The following CHODL variants were observed in gnomAD, a reference collection of about 807,000 sequenced individuals.
CHODL encodes the protein chondrolectin, also known as transmembrane protein MT75.
Under a neutral mutation model 34.5 loss-of-function variants are expected in CHODL, and 29 were observed. The observed-to-expected ratio is 0.84, with a 90% CI of 0.63 to 1.15. CHODL has a LOEUF of 1.15. Ranked by LOEUF, CHODL falls within the 50% of genes most tolerant of loss-of-function variation. The pLI, the probability that CHODL is intolerant of heterozygous loss-of-function variation, is 0.00. For synonymous variants in CHODL, 125 were observed against 116.1 expected (o/e 1.08, Z -0.49); for missense variants, 332 against 332.5 (o/e 1.00, Z 0.01).
At chr21:18,252,585 T>C (rs2146804022) in intron 1 of CHODL, among the ~76,000 whole-genome samples, 1 of 152,256 alleles carries the variant, frequency 6.6e-6, no homozygotes, top group East Asian at 1.9e-4. Flanking sequence ...GGACCAAATT[T>C]GCACGATAAG....
chr21:18,237,265 T>C (rs8134568), intron 2 of CHODL, among the ~76,000 whole-genome samples: 45,349 of 151,946 alleles, frequency 0.3, 8,396 homozygotes, highest in African/African-American at 0.53. Context: ...AAATTTAGAC[T>C]ATCTATCTAG....
intron 2 of CHODL, among the ~76,000 whole-genome samples, chr21:18,098,685 A>C (rs1190921603): frequency 2.6e-5 from 4 of 152,164 alleles, no homozygotes; most frequent in African/African-American, 9.7e-5. Flanking sequence ...AAAAAACTAA[A>C]ACTAGAAATA....
chr21:18,144,431 A>G (rs1397537786), intron 2 of CHODL, among the ~76,000 whole-genome samples: 1 of 152,112 alleles, frequency 6.6e-6, no homozygotes, highest in Non-Finnish European at 1.5e-5. Context: ...ATATACAACT[A>G]ACCTTAAGGC....
intron 1 of CHODL, among the ~76,000 whole-genome samples, chr21:18,249,183 A>G (rs1037897118): frequency 1.4e-5 from 2 of 144,096 alleles, no homozygotes; most frequent in African/African-American, 5.1e-5. Flanking sequence ...CAGAAGATGC[A>G]CTCACAAACA....
chr21:18,070,027 C>CCTTCCCCTCCCT (rs1380432271), intron 2 of CHODL, among the ~76,000 whole-genome samples: 2 of 68,636 alleles, frequency 2.9e-5, no homozygotes, highest in African/African-American at 5.2e-5. Context: ...CCCTTCCCTC[C>CCTTCCCCTCCCT]CCCCCCCCAC....
chr21:18,079,408 C>T (rs1300081028), intron 2 of CHODL, among the ~76,000 whole-genome samples: 1 of 146,372 alleles, frequency 6.8e-6, no homozygotes, highest in South Asian at 2.1e-4. Flanking sequence ...ATATATATCA[C>T]ATATATATAC....
chr21:18,040,413 C>A (rs2146452636), intron 2 of CHODL, among the ~76,000 whole-genome samples: 1 of 151,936 alleles, frequency 6.6e-6, no homozygotes, highest in South Asian at 2.1e-4. Flanking sequence ...AGGCAAAAAT[C>A]AATTTTAATT....
At chr21:17,921,295 A>T (rs1372722279) in intron 1 of CHODL, among the ~76,000 whole-genome samples, 1 of 152,184 alleles carries the variant, frequency 6.6e-6, no homozygotes, top group Non-Finnish European at 1.5e-5. Flanking sequence ...GATGAGCCTC[A>T]TCTATATTAT....
intron 2 of CHODL, among the ~76,000 whole-genome samples, chr21:18,071,493 A>G (rs2064804712): frequency 6.6e-6 from 1 of 151,958 alleles, no homozygotes; most frequent in South Asian, 2.1e-4. Flanking sequence ...TCACCCCTTC[A>G]GTTCTACCCT....
At chr21:18,010,035 C>A (rs1279904148) in intron 1 of CHODL, among the ~76,000 whole-genome samples, 1 of 144,276 alleles carries the variant, frequency 6.9e-6, no homozygotes, top group Non-Finnish European at 1.5e-5. Context: ...AACTTCTGCT[C>A]ATAATTAGAA....
At chr21:17,983,744 T>C (rs1186570521) in intron 1 of CHODL, among the ~76,000 whole-genome samples, 2 of 152,240 alleles carry the variant, frequency 1.3e-5, no homozygotes, top group Non-Finnish European at 2.9e-5. Flanking sequence ...TTGTGACATC[T>C]CTATTGAGGT....
intron 2 of CHODL, among the ~76,000 whole-genome samples, chr21:18,117,059 C>G (rs2065421758): frequency 6.6e-6 from 1 of 152,174 alleles, no homozygotes; most frequent in Non-Finnish European, 1.5e-5. Flanking sequence ...GAATGGAAAC[C>G]TGATCAGGTT....
intron 1 of CHODL, among the ~76,000 whole-genome samples, chr21:18,022,743 C>G (rs534727117): frequency 6.6e-6 from 1 of 152,274 alleles, no homozygotes; most frequent in Admixed American, 6.5e-5. Flanking sequence ...CATGGGAATG[C>G]TTTTCTAAAC....
chr21:18,116,313 C>CTTTCTCT (rs2056296872), intron 2 of CHODL, among the ~76,000 whole-genome samples: 1 of 151,984 alleles, frequency 6.6e-6, no homozygotes, highest in Non-Finnish European at 1.5e-5. Flanking sequence ...CTCTCTCTCT[C>CTTTCTCT]TTTCTCTTTT....
chr21:17,957,041 C>G (rs1049151204), intron 1 of CHODL, among the ~76,000 whole-genome samples: 1 of 152,114 alleles, frequency 6.6e-6, no homozygotes, highest in Non-Finnish European at 1.5e-5. Context: ...ATGAGGCCCT[C>G]AAAGGCCTCA....
intron 1 of CHODL, among the ~76,000 whole-genome samples, chr21:18,025,583 C>T (rs1189313967): frequency 1.3e-5 from 2 of 152,040 alleles, no homozygotes; most frequent in Non-Finnish European, 2.9e-5. Context: ...CAAGATATGA[C>T]ATAATTTATT....
At chr21:18,095,134 AAG>A (rs1439280021) in intron 2 of CHODL, among the ~76,000 whole-genome samples, 2 of 140,272 alleles carry the variant, frequency 1.4e-5, no homozygotes, top group African/African-American at 5.1e-5. Context: ...AAAAAAAAAA[AAG>A]AAGGAAAGAA....
chr21:18,089,315 A>G (rs984842774), intron 2 of CHODL, among the ~76,000 whole-genome samples: 14 of 152,030 alleles, frequency 9.2e-5, no homozygotes, highest in Non-Finnish European at 1.9e-4. Context: ...ATATATAGAT[A>G]TTATTTATTA....
chr21:18,206,688 T>C (rs1200359386), intron 2 of CHODL, among the ~76,000 whole-genome samples: 1 of 151,832 alleles, frequency 6.6e-6, no homozygotes, highest in Non-Finnish European at 1.5e-5. Context: ...ACTCCTGCCA[T>C]TTTGTTGTTT....
Sources: allele counts gnomAD v4.1 joint callset (sites outside exome capture counted in the v4.1 genomes callset), GRCh38; gene constraint gnomAD v4.1.1; transcripts MANE v1.5; gene names NCBI Gene and HGNC (gene_info 2026-07-23, HGNC 2026-07-21).